The following HACD3 variants were observed in gnomAD, a reference collection of about 807,000 sequenced individuals.
HACD3 encodes very-long-chain (3R)-3-hydroxyacyl-CoA dehydratase 3.
HACD3 carries 30 observed loss-of-function variants against 55.2 expected under a neutral mutation model. The observed-to-expected ratio is 0.54, with a 90% CI of 0.41 to 0.74. The LOEUF is 0.74. Among genes scored for constraint, HACD3 ranks in the 30% least tolerant of loss-of-function variants. HACD3 has a pLI of 0.00. For synonymous variants in HACD3, 141 were observed against 151.7 expected (o/e 0.93, Z 0.52); for missense variants, 363 against 440.1 (o/e 0.82, Z 1.57).
intron 7 of HACD3, among the ~76,000 whole-genome samples, chr15:65,567,176 C>T (rs2072300330): frequency 6.6e-6 from 1 of 151,932 alleles, no homozygotes; most frequent in South Asian, 2.1e-4. Flanking sequence ...AAAAATTTGC[C>T]AGGCATGGTG....
At chr15:65,549,246 A>T (rs1262889533) in intron 1 of HACD3, among the ~76,000 whole-genome samples, 1 of 152,144 alleles carries the variant, frequency 6.6e-6, no homozygotes, top group Non-Finnish European at 1.5e-5. Context: ...AACTAAGTGA[A>T]CTTGAACTTT....
intron 8 of HACD3, among the ~76,000 whole-genome samples, 177 bp downstream of exon 8, chr15:65,570,380 C>T (rs987928174): frequency 1.3e-5 from 2 of 152,130 alleles, no homozygotes; most frequent in Admixed American, 1.3e-4. Context: ...TTTTTTAAAG[C>T]CGTCATTGGA....
At chr15:65,536,249 C>T (rs1447001339) in intron 1 of HACD3, among the ~76,000 whole-genome samples, 2 of 151,984 alleles carry the variant, frequency 1.3e-5, no homozygotes, top group South Asian at 2.1e-4. Flanking sequence ...CTGCCCACCT[C>T]GGCCTCCCAA....
chr15:65,539,941 A>ATT (rs1169327770), intron 1 of HACD3, among the ~76,000 whole-genome samples: 1 of 152,232 alleles, frequency 6.6e-6, no homozygotes, highest in East Asian at 1.9e-4. Flanking sequence ...ATAAATAAAT[A>ATT]CAGTGGAAAC....
At chr15:65,562,149 A>G (rs1486426490) in intron 5 of HACD3, among the ~76,000 whole-genome samples, 2 of 152,174 alleles carry the variant, frequency 1.3e-5, no homozygotes, top group Non-Finnish European at 2.9e-5. Context: ...AGCGTGTTGA[A>G]CTGTGTTGAA....
Position 65,577,032 on chromosome 15 carries a change from C to T in HACD3, c.*653C>T, listed in dbSNP as rs1253892644. On this transcript the variant is annotated 3_prime_UTR_variant, in exon 11 of 11. Coordinates refer to ENST00000261875, the MANE Select transcript of HACD3 (RefSeq NM_016395.4). Reference sequence around the variant, plus strand: ...GCAGAATGCTTTGAAAGAAACTAATCAGAATCTTGGAACATCATGATCATG... The same window carrying T: ...GCAGAATGCTTTGAAAGAAACTAATTAGAATCTTGGAACATCATGATCATG... The T allele has an allele frequency of 2.0e-5, 3 of 152,184 alleles. No homozygotes were observed. The highest frequency in any genetic ancestry group is 4.4e-5 in the Non-Finnish European group (3 of 68,046). 9.4% of individuals were successfully genotyped at this position (152,184 alleles called of 1,614,324 possible).
Position 65,556,783 on chromosome 15 carries a change from G to A in HACD3, c.249G>A (p.Gln83=), listed in dbSNP as rs1234231463. 2 of 1,611,946 alleles carry A rather than the reference G, an allele frequency of 1.2e-6. No homozygotes were observed. Among genetic ancestry groups the A allele is most frequent in the African/African-American group, 1.3e-5 (1 of 75,016 alleles). Residue 83 remains glutamine (Q), a synonymous_variant, in exon 4 of 11, where the codon CAG becomes CAA. Coordinates refer to ENST00000261875, the MANE Select transcript of HACD3 (RefSeq NM_016395.4). The part of the protein sequence containing the change: ...LTQRQVNITV[Q]KKVSQWWERL... Reference sequence around the variant, plus strand: ...AGAGGCAGGTAAACATTACAGTACAGAAGAAAGTGAGTCAGTGGTGGGAGA... The same window carrying A: ...AGAGGCAGGTAAACATTACAGTACAAAAGAAAGTGAGTCAGTGGTGGGAGA...
intron 10 of HACD3, among the ~76,000 whole-genome samples, chr15:65,573,387 C>T (rs1309088855): frequency 6.6e-6 from 1 of 151,924 alleles, no homozygotes; most frequent in East Asian, 1.9e-4. Context: ...GTGGGTAGAT[C>T]ACTTGAGGAC....
At position 65,530,532 on chromosome 15, in the gene HACD3, C is replaced by A. The variant is rs964412183; in HGVS notation, c.-100C>A. 3.6e-6 allele frequency: 4 copies of A among 1,112,012 alleles called. No individual in the cohort carries two copies. Among genetic ancestry groups the A allele is most frequent in the East Asian group, 6.2e-5 (2 of 32,256 alleles). The allele number at this position is 1,112,012 out of a possible 1,614,324, so 68.9% of individuals were successfully genotyped here. The stretch of plus-strand genomic sequence containing the variant: ...GCCGGGTTGCAGGCGCTCAGGAGCG[C>A]TAGGGTTTGAGGCCTGCTTTCTGCT... On this transcript the variant is annotated 5_prime_UTR_variant, in exon 1 of 11. Transcript: ENST00000261875.
chr15:65,563,018 G>A, intron 6 of HACD3, 134 bp downstream of exon 6: 1 of 1,323,718 alleles, frequency 7.6e-7, no homozygotes, highest in Non-Finnish European at 1.0e-6. Context: ...TTTTCGTTGT[G>A]CTTTCATAGC....
At chr15:65,565,582 C>T (rs1355269734) in intron 7 of HACD3, 1 of 152,362 alleles carries the variant, frequency 6.6e-6, no homozygotes, top group Non-Finnish European at 1.5e-5. Context: ...CTGAGCTGTA[C>T]ATTGGCCCCT....
intron 4 of HACD3, among the ~76,000 whole-genome samples, chr15:65,558,426 A>T (rs1353288718): frequency 6.6e-6 from 1 of 152,210 alleles, no homozygotes; most frequent in Non-Finnish European, 1.5e-5. Context: ...TTCCAAGGTC[A>T]CTTGTCAGTT....
Position 65,533,968 on chromosome 15 carries a change from G to A in HACD3, c.87+3250G>A, listed in dbSNP as rs181982881. Among the ~76,000 whole-genome samples, 1,141 of 151,622 alleles carry A rather than the reference G, an allele frequency of 7.5e-3. 15 individuals carry two copies. Among genetic ancestry groups the A allele is most frequent in the African/African-American group, 0.026 (1,084 of 41,368 alleles). ...CAGGAGGCTGAGGCAGGAGAATGGCGTGAACCCGGGAGGTGGAGCTTGCAG... is the reference window on the plus strand; with the variant it reads ...CAGGAGGCTGAGGCAGGAGAATGGCATGAACCCGGGAGGTGGAGCTTGCAG... On this transcript the variant is annotated intron_variant, in intron 1 of 10. Transcript: ENST00000261875.
chr15:65,561,403 G>A (rs1002440176), intron 5 of HACD3, among the ~76,000 whole-genome samples: 17 of 151,524 alleles, frequency 1.1e-4, no homozygotes, highest in Admixed American at 1.1e-3. Flanking sequence ...GAGGTGGAGC[G>A]TGCAGTGAGC....
intron 2 of HACD3, among the ~76,000 whole-genome samples, chr15:65,552,824 C>T (rs1164269322): frequency 9.2e-5 from 14 of 151,828 alleles, no homozygotes; most frequent in East Asian, 7.7e-4. Context: ...GTATATCTCC[C>T]GATGCTATCC....
chr15:65,556,013 C>A (rs1200381359), intron 3 of HACD3, among the ~76,000 whole-genome samples: 1 of 152,128 alleles, frequency 6.6e-6, no homozygotes, highest in Non-Finnish European at 1.5e-5. Context: ...CTGTATCATT[C>A]ACTGGGGGAA....
At chr15:65,551,305 G>A (rs986302947) in intron 1 of HACD3, among the ~76,000 whole-genome samples, 3 of 152,180 alleles carry the variant, frequency 2.0e-5, no homozygotes, top group African/African-American at 7.2e-5. Flanking sequence ...TGCCTCATCT[G>A]TCCCACTGGA....
intron 10 of HACD3, 110 bp from the exon 11 acceptor site, chr15:65,576,193 G>A: frequency 1.3e-6 from 2 of 1,482,004 alleles, no homozygotes; most frequent in Non-Finnish European, 1.8e-6. Context: ...GCTGCAATAA[G>A]CTTTTTGCTG....
rs2072271318 is a variant in HACD3 at position 65,564,309 on chromosome 15, C to T, written c.627C>T (p.Val209=). ...AAACTATCAATGCAGCAATTGGAGT[C>T]ACTACGTCACCGGTGCTGCCTTCTC... ...VVETINAAIG[V]TTSPVLPSLI... Residue 209 remains valine, a synonymous_variant, in exon 7 of 11, where the codon GTC becomes GTT. Transcript: ENST00000261875. 6.2e-7 allele frequency: 1 copy of T among 1,613,764 alleles called. No individual in the cohort carries two copies. Among genetic ancestry groups the T allele is most frequent in the African/African-American group, 1.3e-5 (1 of 74,906 alleles).
Sources: gnomAD v4.1 joint callset for allele counts (sites outside exome capture counted in the v4.1 genomes callset) on GRCh38, gnomAD v4.1.1 for gene constraint, MANE v1.5 for transcripts, NCBI Gene and HGNC (gene_info 2026-07-23, HGNC 2026-07-21) for gene names.